Variants in SLC30A7 observed in about 807,000 individuals in gnomAD.
SLC30A7 encodes zinc transporter 7.
In SLC30A7, 35 loss-of-function variants were observed where a neutral mutation model predicts 46.0. The ratio of observed to expected loss-of-function variants is 0.76; its 90% CI spans 0.58 to 1.01. The LOEUF (loss-of-function observed/expected upper bound fraction) is 1.01. SLC30A7 is among the 50% of genes least tolerant of loss of function. SLC30A7 has a pLI of 0.00. For synonymous variants in SLC30A7, 147 were observed against 157.8 expected (o/e 0.93, Z 0.51); for missense variants, 464 against 451.1 (o/e 1.03, Z -0.26).
chr1:100,957,803 T>A (rs1334205739), intron 8 of SLC30A7, among the ~76,000 whole-genome samples: 3 of 152,210 alleles, frequency 2.0e-5, no homozygotes, highest in Admixed American at 6.5e-5. Context: ...TGAGTACAGT[T>A]AGGAAAAGAT....
At chr1:100,939,482 C>A (rs927745350) in intron 8 of SLC30A7, among the ~76,000 whole-genome samples, 1 of 151,908 alleles carries the variant, frequency 6.6e-6, no homozygotes, top group Non-Finnish European at 1.5e-5. Flanking sequence ...GGAATTTAAA[C>A]CCTTTAAAAA....
chr1:100,926,958 G>C (rs1229696908), intron 8 of SLC30A7, among the ~76,000 whole-genome samples: 1 of 152,196 alleles, frequency 6.6e-6, no homozygotes, highest in Non-Finnish European at 1.5e-5. Flanking sequence ...TGGAGGAGAG[G>C]AATATGGGAC....
chr1:100,954,650 A>G (rs1416462883), intron 8 of SLC30A7, among the ~76,000 whole-genome samples: 1 of 152,076 alleles, frequency 6.6e-6, no homozygotes, highest in Non-Finnish European at 1.5e-5. Flanking sequence ...TGTTCTCTAT[A>G]AATATGCATT....
Position 100,906,925 on chromosome 1 carries a change from G to C in SLC30A7, c.256G>C (p.Val86Leu), listed in dbSNP as rs1651713158. The C allele has an allele frequency of 6.2e-7, 1 of 1,613,148 alleles. No homozygotes were observed. The highest frequency in any genetic ancestry group is 1.7e-4 in the Middle Eastern group (1 of 6,056). Residue 86 changes from valine to leucine, a missense_variant, in exon 3 of 11, where the codon GTT (valine) becomes CTT (leucine). Coordinates refer to ENST00000357650, the MANE Select transcript of SLC30A7 (RefSeq NM_133496.5). ...TAILAGLAASVISKWRDNDAF... is the reference protein window; with the variant it reads ...TAILAGLAASLISKWRDNDAF... ...CATTTTGGCTGGACTGGCAGCTTCT[G>C]TTATTTCAAAATGGAGAGATAATGA... is the stretch of plus-strand genomic sequence containing the variant.
chr1:100,987,631 C>A, the SLC30A7 span, among the ~76,000 whole-genome samples: 1 of 148,842 alleles, frequency 6.7e-6, no homozygotes. Context: ...CCACCATCAT[C>A]TAGTTTATGT....
intron 8 of SLC30A7, among the ~76,000 whole-genome samples, chr1:100,929,164 A>G (rs748459031): frequency 3.9e-5 from 6 of 152,046 alleles, no homozygotes; most frequent in African/African-American, 7.2e-5. Context: ...TATAGAGAAT[A>G]TATTTCCCAG....
chr1:100,897,682 G>T (rs1374860528), intron 2 of SLC30A7, among the ~76,000 whole-genome samples: 5 of 152,132 alleles, frequency 3.3e-5, no homozygotes, highest in African/African-American at 7.2e-5. Flanking sequence ...TTTGTGACAT[G>T]TATACTTTTA....
chr1:100,934,171 C>CT (rs1653822342), intron 8 of SLC30A7, among the ~76,000 whole-genome samples: 2 of 152,196 alleles, frequency 1.3e-5, no homozygotes, highest in Admixed American at 1.3e-4. Context: ...CTGGACCCCT[C>CT]TGTTTTCTCA....
At chr1:100,946,589 A>C (rs866118632) in intron 8 of SLC30A7, among the ~76,000 whole-genome samples, 12 of 152,294 alleles carry the variant, frequency 7.9e-5, no homozygotes, top group African/African-American at 2.9e-4. Flanking sequence ...GATTACGTTT[A>C]TTGATTTGCA....
chr1:100,922,233 T>A (rs1652983518), intron 8 of SLC30A7, among the ~76,000 whole-genome samples: 1 of 152,172 alleles, frequency 6.6e-6, no homozygotes, highest in South Asian at 2.1e-4. Flanking sequence ...CTGAAAGCGC[T>A]GGGATTACAG....
At chr1:100,968,909 A>T (rs1243598038) in intron 10 of SLC30A7, among the ~76,000 whole-genome samples, 1 of 152,270 alleles carries the variant, frequency 6.6e-6, no homozygotes, top group Non-Finnish European at 1.5e-5. Flanking sequence ...TATGCTAAGT[A>T]TGGAAAAATA....
chr1:100,898,860 C>T (rs1471029580), intron 2 of SLC30A7, among the ~76,000 whole-genome samples: 3 of 152,234 alleles, frequency 2.0e-5, no homozygotes, highest in African/African-American at 7.2e-5. Flanking sequence ...TGTTGAATTT[C>T]ATTCTGTAAA....
At chr1:100,939,356 A>C (rs749137310) in intron 8 of SLC30A7, among the ~76,000 whole-genome samples, 1 of 151,934 alleles carries the variant, frequency 6.6e-6, no homozygotes, top group African/African-American at 2.4e-5. Flanking sequence ...TGCAAAAATC[A>C]ATGTTCTTTA....
At chr1:100,901,963 AGTTTAAATT>A (rs755100325) in intron 2 of SLC30A7, among the ~76,000 whole-genome samples, 147,389 of 152,262 alleles carry the variant, frequency 0.97, 71,371 homozygotes, top group East Asian at 1. Flanking sequence ...GGAAATTTAT[AGTTTAAATT>A]TATAGTTTAA....
rs745891369 is a variant in SLC30A7, at chr1:100,974,792, T to C, written c.1084-18T>C. 1 of 1,572,216 alleles carries C rather than the reference T, an allele frequency of 6.4e-7. No homozygotes were observed. The highest frequency in any genetic ancestry group is 8.7e-7 in the Non-Finnish European group (1 of 1,152,674). On this transcript the variant is annotated intron_variant, in intron 10 of 10. Coordinates refer to ENST00000357650, the MANE Select transcript of SLC30A7 (RefSeq NM_133496.5). ...TAGCTTGTTAGATTTTCTAACTTTT[T>C]TTTTTCTTACTTTTCAGGCTGGAGT...
intron 10 of SLC30A7, among the ~76,000 whole-genome samples, chr1:100,966,676 TAG>T (rs1570593038): frequency 6.6e-6 from 1 of 152,178 alleles, no homozygotes; most frequent in East Asian, 1.9e-4. Flanking sequence ...TCTTCAGGAA[TAG>T]AAAGATAGTT....
At chr1:100,963,670 T>C (rs1422263192) in intron 9 of SLC30A7, among the ~76,000 whole-genome samples, 1 of 152,180 alleles carries the variant, frequency 6.6e-6, no homozygotes, top group East Asian at 1.9e-4. Flanking sequence ...AATGGAAATG[T>C]TCTATGATCT....
At chr1:100,954,096 A>G (rs1655101200) in intron 8 of SLC30A7, among the ~76,000 whole-genome samples, 1 of 152,190 alleles carries the variant, frequency 6.6e-6, no homozygotes, top group Non-Finnish European at 1.5e-5. Flanking sequence ...CTAAGTATAT[A>G]ATACATTCTT....
intron 8 of SLC30A7, among the ~76,000 whole-genome samples, chr1:100,956,575 A>G (rs932736848): frequency 3.9e-5 from 6 of 152,180 alleles, no homozygotes; most frequent in Admixed American, 1.3e-4. Context: ...ATTATTATAG[A>G]TGGGATTCAC....
Sources: allele counts gnomAD v4.1 joint callset (sites outside exome capture counted in the v4.1 genomes callset), GRCh38; gene constraint gnomAD v4.1.1; transcripts MANE v1.5; gene names NCBI Gene and HGNC (gene_info 2026-07-23, HGNC 2026-07-21).